Variants in TESK2 observed in about 807,000 individuals in gnomAD.
TESK2 encodes testis associated actin remodelling kinase 2, also known as dual specificity testis-specific protein kinase 2.
In TESK2, 39 loss-of-function variants were observed where a neutral mutation model predicts 57.1. The ratio of observed to expected loss-of-function variants is 0.68; its 90% CI spans 0.53 to 0.89. The LOEUF (loss-of-function observed/expected upper bound fraction) is 0.89. Ranked by LOEUF, TESK2 falls within the 40% of genes least tolerant of loss-of-function variation. TESK2 has a pLI of 0.00. For missense variants in TESK2, 646 were observed against 732.1 expected (o/e 0.88, Z 1.36); for synonymous variants, 249 against 267.9 (o/e 0.93, Z 0.69).
At chr1:45,416,072 CTTTTTTT>C (rs34785518) in intron 3 of TESK2, among the ~76,000 whole-genome samples, 1 of 59,282 alleles carries the variant, frequency 1.7e-5, no homozygotes, top group East Asian at 5.9e-4. Context: ...AATCTAGAGC[CTTTTTTT>C]TTTTTTTTTT....
In TESK2 at chr1:45,463,455, T is replaced by C. The variant is rs183752520; in HGVS notation, c.-86-5584A>G. Among the ~76,000 whole-genome samples the C allele has an allele frequency of 2.0e-5, 3 of 152,344 alleles. No homozygotes were observed. In the East Asian group the frequency reaches 5.8e-4, roughly 29 times the overall value. On this transcript the variant is annotated intron_variant, in intron 1 of 10. Transcript: ENST00000372086. ...TGGATATCCTGTTTTCCCAGCACCA[T>C]TCATTGAAGAGATTGTCCTTTCCCC...
intron 7 of TESK2, 46 bp from the exon 8 acceptor site, chr1:45,347,108 G>A (rs756636202): frequency 1.3e-6 from 2 of 1,564,834 alleles, no homozygotes; most frequent in Non-Finnish European, 1.8e-6. Context: ...GGGTTGAGGG[G>A]TAGGGTATCT....
chr1:45,390,551 G>T (rs1323965470), intron 3 of TESK2, among the ~76,000 whole-genome samples: 2 of 150,352 alleles, frequency 1.3e-5, no homozygotes, highest in East Asian at 1.9e-4. Flanking sequence ...TTAAGAATAG[G>T]TTACATTCTC....
At chr1:45,354,417 G>A (rs1647319756) in intron 5 of TESK2, among the ~76,000 whole-genome samples, 1 of 152,118 alleles carries the variant, frequency 6.6e-6, no homozygotes, top group Admixed American at 6.5e-5. Context: ...CCTGAGGTCA[G>A]GAGTTTGAGA....
At chr1:45,348,464 C>G (rs1647181756) in intron 5 of TESK2, among the ~76,000 whole-genome samples, 1 of 152,192 alleles carries the variant, frequency 6.6e-6, no homozygotes, top group African/African-American at 2.4e-5. Context: ...CCTTCACTAA[C>G]CTTCACTGTC....
Position 45,344,886 on chromosome 1 carries a change from GAGA to G in TESK2, c.1667_1669del (p.Phe556del). On this transcript the variant is annotated inframe_deletion, in exon 11 of 11. Transcript: ENST00000372086. ...GGTTTGCAGGCCTATGCCTGAGGTG[GAGA>G]AGGTGGCTGGAGTTGAGCCTGCTGG... is the stretch of plus-strand genomic sequence containing the variant. The G allele has an allele frequency of 6.2e-7, 1 of 1,613,790 alleles. No homozygotes were observed. Among genetic ancestry groups the G allele is most frequent in the South Asian group, 1.1e-5 (1 of 91,060 alleles).
In TESK2 at chr1:45,355,441, G is replaced by A. The variant is rs574158620; in HGVS notation, c.402C>T (p.Asn134=). The change falls in exon 5 of 11, where the codon AAC becomes AAT. Residue 134 remains asparagine, a synonymous_variant. Transcript: ENST00000372086. ...CTAGCAACTGTTCCAGGTTCCCGGA[G>A]TTGATATACTGCAAAACAGAAGGAA... is the stretch of plus-strand genomic sequence containing the variant. ...GQLHALTEYI[N]SGNLEQLLDS... 3.3e-5 allele frequency: 53 copies of A among 1,606,318 alleles called. No individual in the cohort carries two copies. In the South Asian group the frequency reaches 5.3e-4, roughly 16 times the overall value.
chr1:45,358,190 G>A (rs941723926), intron 4 of TESK2, among the ~76,000 whole-genome samples: 2 of 151,582 alleles, frequency 1.3e-5, no homozygotes, highest in East Asian at 3.9e-4. Context: ...GCAGGCGCCT[G>A]TAGTCCCAGC....
chr1:45,480,927 G>A (rs1048078289), intron 1 of TESK2, among the ~76,000 whole-genome samples: 8 of 151,866 alleles, frequency 5.3e-5, no homozygotes, highest in Non-Finnish European at 1.0e-4. Flanking sequence ...AATGGAGGTT[G>A]CAGTGAGCTG....
At chr1:45,478,765 T>C (rs1653098732) in intron 1 of TESK2, among the ~76,000 whole-genome samples, 1 of 151,282 alleles carries the variant, frequency 6.6e-6, no homozygotes, top group Non-Finnish European at 1.5e-5. Flanking sequence ...TGTGGCCCGC[T>C]CAGGCTGGAG....
intron 1 of TESK2, among the ~76,000 whole-genome samples, chr1:45,472,948 T>A (rs1056060487): frequency 1.1e-4 from 16 of 143,398 alleles, no homozygotes; most frequent in African/African-American, 2.9e-4. Flanking sequence ...TCATCCTGGG[T>A]AATACGGTGA....
chr1:45,462,760 G>T (rs749649138), intron 1 of TESK2, among the ~76,000 whole-genome samples: 12 of 152,198 alleles, frequency 7.9e-5, no homozygotes, highest in Non-Finnish European at 1.2e-4. Flanking sequence ...ATATTCAGCA[G>T]TGGGATTGCT....
At chr1:45,369,054 C>T (rs1648070137) in intron 4 of TESK2, among the ~76,000 whole-genome samples, 1 of 152,054 alleles carries the variant, frequency 6.6e-6, no homozygotes, top group Non-Finnish European at 1.5e-5. Flanking sequence ...CAGGCTGGCC[C>T]AGAGAACTTA....
At chr1:45,471,778 G>A (rs947282465) in intron 1 of TESK2, among the ~76,000 whole-genome samples, 8 of 151,838 alleles carry the variant, frequency 5.3e-5, no homozygotes. Flanking sequence ...AGAAGTGAGA[G>A]AAGATAAGTG....
At chr1:45,399,140 ATTTTTT>A (rs753087306) in intron 3 of TESK2, among the ~76,000 whole-genome samples, 5 of 99,718 alleles carry the variant, frequency 5.0e-5, no homozygotes, top group Middle Eastern at 5.2e-3. Context: ...AAAAGTTGAA[ATTTTTT>A]TTTTTTTTTT....
At position 45,373,298 on chromosome 1, in the gene TESK2, A is replaced by G. The variant is rs116313849; in HGVS notation, c.393+12614T>C. Among the ~76,000 whole-genome samples, 322 of 152,350 alleles carry G rather than the reference A, an allele frequency of 2.1e-3. 3 individuals carry two copies. Among genetic ancestry groups the G allele is most frequent in the African/African-American group, 7.5e-3 (311 of 41,574 alleles). On this transcript the variant is annotated intron_variant, in intron 4 of 10. Transcript: ENST00000372086. Reference sequence around the variant, plus strand: ...GGAATGATGTAAGATAAATGATTCAAGAATAGTAAAGAGGTAAGATGAACA... The same window carrying G: ...GGAATGATGTAAGATAAATGATTCAGGAATAGTAAAGAGGTAAGATGAACA...
intron 1 of TESK2, among the ~76,000 whole-genome samples, chr1:45,464,797 G>A (rs1312907071): frequency 6.6e-6 from 1 of 152,194 alleles, no homozygotes; most frequent in Non-Finnish European, 1.5e-5. Context: ...TAGCTAGGAA[G>A]AGGTAAGAAA....
At chr1:45,466,544 G>A (rs1354192103) in intron 1 of TESK2, among the ~76,000 whole-genome samples, 1 of 151,848 alleles carries the variant, frequency 6.6e-6, no homozygotes, top group African/African-American at 2.4e-5. Flanking sequence ...AGCTACTCAG[G>A]AGGCTGAGGC....
intron 4 of TESK2, among the ~76,000 whole-genome samples, chr1:45,381,727 G>A (rs1648659372): frequency 6.6e-6 from 1 of 151,744 alleles, no homozygotes. Context: ...GAGGGCAACA[G>A]CTAACCAATA....
Sources: allele counts gnomAD v4.1 joint callset (sites outside exome capture counted in the v4.1 genomes callset), GRCh38; gene constraint gnomAD v4.1.1; transcripts MANE v1.5; gene names NCBI Gene and HGNC (gene_info 2026-07-23, HGNC 2026-07-21).